Variants in TMEM60 observed in about 807,000 individuals in gnomAD.
TMEM60 encodes transmembrane protein 60.
Under a neutral mutation model 10.7 loss-of-function variants are expected in TMEM60, and 4 were observed. That is an observed-to-expected ratio of 0.37 (90% confidence interval 0.18 to 0.86). The LOEUF is 0.86. Ranked by LOEUF, TMEM60 falls within the 40% of genes least tolerant of loss-of-function variation. The pLI is 0.43. For synonymous variants in TMEM60, 56 were observed against 58.1 expected (o/e 0.96, Z 0.17); for missense variants, 128 against 153.4 (o/e 0.83, Z 0.88).
chr7:77,797,493 A>G (rs2150441756), intron 1 of TMEM60, among the ~76,000 whole-genome samples: 1 of 152,340 alleles, frequency 6.6e-6, no homozygotes, highest in Non-Finnish European at 1.5e-5. Context: ...ATGCTGAGCT[A>G]CAACGATGAC....
intron 1 of TMEM60, among the ~76,000 whole-genome samples, chr7:77,795,134 T>C (rs1181369809): frequency 1.3e-5 from 2 of 152,130 alleles, no homozygotes; most frequent in Non-Finnish European, 2.9e-5. Context: ...CACTCCAGCC[T>C]GGGCAAAAGA....
rs763428491 is a variant in TMEM60, at chr7:77,794,002, G to T, written c.372C>A (p.Leu124=). ...CTCTCACAAAAAAGACATTATATCC[G>T]AGTTCTGTTAAAGCCCCAGCCAGCA... ...WALLAGALTE[L]GYNVFFVRD Residue 124 remains leucine, a synonymous_variant, in exon 2 of 2, where the codon CTC becomes CTA. Transcript: ENST00000257663. The T allele has an allele frequency of 6.3e-7, 1 of 1,586,516 alleles. No individual in the cohort carries two copies. Among genetic ancestry groups the T allele is most frequent in the South Asian group, 1.2e-5 (1 of 85,736 alleles).
chr7:77,797,670 T>C (rs1365476085), intron 1 of TMEM60, among the ~76,000 whole-genome samples: 1 of 152,176 alleles, frequency 6.6e-6, no homozygotes, highest in Non-Finnish European at 1.5e-5. Flanking sequence ...CAGTTAAATA[T>C]TTGTTAATGA....
At chr7:77,797,433 G>C (rs1180022679) in intron 1 of TMEM60, among the ~76,000 whole-genome samples, 1 of 152,184 alleles carries the variant, frequency 6.6e-6, no homozygotes, top group Admixed American at 6.5e-5. Context: ...TACCCTCAAT[G>C]GGGAAGCACT....
chr7:77,793,977 C>T lies in TMEM60; in HGVS notation c.397G>A (p.Asp133Asn). ...GGAGATGATGTACTTAGAAGTCAGTCTCTCACAAAAAAGACATTATATCCG... is the reference window on the plus strand; with the variant it reads ...GGAGATGATGTACTTAGAAGTCAGTTTCTCACAAAAAAGACATTATATCCG... ...ELGYNVFFVRD is the reference protein window; with the variant it reads ...ELGYNVFFVRN The change falls in exon 2 of 2, where the codon GAC becomes AAC. Residue 133 changes from aspartate (D) to asparagine (N), a missense_variant. Asp to Asn is a conservative substitution (Grantham distance 23, BLOSUM62 1). Transcript: ENST00000257663. 6.4e-7 allele frequency: 1 copy of T among 1,561,602 alleles called. No homozygotes were observed. Among genetic ancestry groups the T allele is most frequent in the East Asian group, 2.3e-5 (1 of 44,412 alleles).
Position 77,794,402 on chromosome 7 carries a change from A to T in TMEM60, c.-29T>A. On this transcript the variant is annotated 5_prime_UTR_variant, in exon 2 of 2. Coordinates refer to ENST00000257663, the MANE Select transcript of TMEM60 (RefSeq NM_032936.4). ...AACAGTTTAAAGAGGCTGTTGCAGGATCGGAAAAAAGGAAATATACCCTAA... is the reference window on the plus strand; with the variant it reads ...AACAGTTTAAAGAGGCTGTTGCAGGTTCGGAAAAAAGGAAATATACCCTAA... 6.9e-7 allele frequency: 1 copy of T among 1,455,254 alleles called. No homozygotes were observed. The highest frequency in any genetic ancestry group is 9.1e-7 in the Non-Finnish European group (1 of 1,104,368). The allele number at this position is 1,455,254 out of a possible 1,614,324, so 90.1% of individuals were successfully genotyped here. A position where few individuals can be genotyped will look rare whatever the true frequency, so the allele number is the denominator to read the frequency against.
rs74934684 is a variant in TMEM60 at position 77,794,323 on chromosome 7, T to C, written c.51A>G (p.Leu17=). 548 of 1,606,632 alleles carry C rather than the reference T, an allele frequency of 3.4e-4. 5 individuals carry two copies. The East Asian group carries it at 0.011, about 32-fold the overall frequency. The change falls in exon 2 of 2, where the codon CTA becomes CTG. Residue 17 remains leucine (L), a synonymous_variant. Coordinates refer to ENST00000257663, the MANE Select transcript of TMEM60 (RefSeq NM_032936.4). ...TCAACACCAACATGATCAAGAAGAG[T>C]AGTGTGAAAAGCCAGGTGAGTAGTA... ...QRVLLTWLFT[L]LFLIMLVLKL... is the part of the protein sequence containing the mutation.
chr7:77,794,451 G>A, intron 1 of TMEM60, 28 bp from the exon 2 acceptor site: 1 of 1,372,100 alleles, frequency 7.3e-7, no homozygotes, highest in Non-Finnish European at 9.5e-7. Context: ...AGTCAAGATT[G>A]TTTTGATACC....
At chr7:77,797,998 T>C (rs1026891470) in intron 1 of TMEM60, among the ~76,000 whole-genome samples, 3 of 152,186 alleles carry the variant, frequency 2.0e-5, no homozygotes, top group Non-Finnish European at 2.9e-5. Context: ...AAACTATACT[T>C]GCCCTTCTGC....
In TMEM60 at chr7:77,798,425, T is replaced by G. The variant is rs960025322; in HGVS notation, c.-222A>C. 2.6e-5 allele frequency: 4 copies of G among 152,196 alleles called. No homozygotes were observed. Among genetic ancestry groups the G allele is most frequent in the African/African-American group, 9.7e-5 (4 of 41,442 alleles). 9.4% of individuals were successfully genotyped at this position (152,196 alleles called of 1,614,324 possible). A position where few individuals can be genotyped will look rare whatever the true frequency, so the allele number is the denominator to read the frequency against. On this transcript the variant is annotated 5_prime_UTR_variant, in exon 1 of 2. Coordinates refer to ENST00000257663, the MANE Select transcript of TMEM60 (RefSeq NM_032936.4). ...CCTCAAACGACTGCGGTAGAGGATCTCTCAGTTCTACCTCAGTGCCGCGCC... is the reference window on the plus strand; with the variant it reads ...CCTCAAACGACTGCGGTAGAGGATCGCTCAGTTCTACCTCAGTGCCGCGCC...
At chr7:77,795,650 C>T (rs985724259) in intron 1 of TMEM60, among the ~76,000 whole-genome samples, 10 of 152,116 alleles carry the variant, frequency 6.6e-5, no homozygotes, top group African/African-American at 2.4e-4. Flanking sequence ...AAATATCTTT[C>T]TTGGTATAAT....
At chr7:77,795,742 A>T in intron 1 of TMEM60, among the ~76,000 whole-genome samples, 1 of 152,206 alleles carries the variant, frequency 6.6e-6, no homozygotes, top group Admixed American at 6.5e-5. Flanking sequence ...TCCATTCAAT[A>T]ATCAGGACCA....
intron 1 of TMEM60, among the ~76,000 whole-genome samples, chr7:77,795,496 G>T (rs957848620): frequency 2.0e-5 from 3 of 147,228 alleles, no homozygotes; most frequent in African/African-American, 7.7e-5. Flanking sequence ...CCTGGGCGAT[G>T]GGAGTGAGAC....
At chr7:77,796,371 CAT>C (rs1792167421) in intron 1 of TMEM60, among the ~76,000 whole-genome samples, 1 of 152,168 alleles carries the variant, frequency 6.6e-6, no homozygotes, top group African/African-American at 2.4e-5. Flanking sequence ...TTAATCTTCA[CAT>C]ATAGGTTTAT....
rs1180325866 is a variant in TMEM60, at chr7:77,793,940, C to G, written c.*32G>C. ...AACACTTTAATGGTAACTTGTTGAACAGCAATAGAAAGGAGATGATGTACT... is the reference window on the plus strand; with the variant it reads ...AACACTTTAATGGTAACTTGTTGAAGAGCAATAGAAAGGAGATGATGTACT... On this transcript the variant is annotated 3_prime_UTR_variant, in exon 2 of 2. Transcript: ENST00000257663. The G allele has an allele frequency of 1.3e-6, 2 of 1,506,084 alleles. No homozygotes were observed. The highest frequency in any genetic ancestry group is 2.3e-5 in the East Asian group (1 of 43,460). 93.3% of individuals were successfully genotyped at this position (1,506,084 alleles called of 1,614,324 possible).
At position 77,794,237 on chromosome 7, in the gene TMEM60, T is replaced by G; in HGVS notation, c.137A>C (p.Asp46Ala). The change falls in exon 2 of 2, where the codon GAT (aspartate) becomes GCT (alanine). Residue 46 changes from aspartate to alanine, a missense_variant. By Grantham distance (126) the Asp-to-Ala change is moderately radical. Transcript: ENST00000257663. The stretch of plus-strand genomic sequence containing the variant: ...AATCAGCAGGACAAGAAGGATAGTA[T>G]CAAATATCCAGACTGGAATGAATAT... ...FLIFIPVWIF[D>A]TILLVLLIVK... is the part of the protein sequence containing the mutation. The G allele has an allele frequency of 6.2e-7, 1 of 1,614,024 alleles. No homozygotes were observed. The highest frequency in any genetic ancestry group is 8.5e-7 in the Non-Finnish European group (1 of 1,179,998).
At position 77,794,009 on chromosome 7, in the gene TMEM60, G is replaced by T; in HGVS notation, c.365C>A (p.Thr122Lys). 6.3e-7 allele frequency: 1 copy of T among 1,592,986 alleles called. No homozygotes were observed. Among genetic ancestry groups the T allele is most frequent in the Non-Finnish European group, 8.5e-7 (1 of 1,173,474 alleles). ...PLWALLAGAL[T>K]ELGYNVFFVR... ...AAAAAAGACATTATATCCGAGTTCTGTTAAAGCCCCAGCCAGCAAGGCCCA... is the reference window on the plus strand; with the variant it reads ...AAAAAAGACATTATATCCGAGTTCTTTTAAAGCCCCAGCCAGCAAGGCCCA... The change falls in exon 2 of 2, where the codon ACA becomes AAA. Residue 122 changes from threonine (T) to lysine (K), a missense_variant. By Grantham distance (78) the Thr-to-Lys change is moderately conservative. Coordinates refer to ENST00000257663, the MANE Select transcript of TMEM60 (RefSeq NM_032936.4).
intron 1 of TMEM60, among the ~76,000 whole-genome samples, chr7:77,797,187 C>A (rs570995728): frequency 1.3e-5 from 2 of 152,304 alleles, no homozygotes; most frequent in African/African-American, 4.8e-5. Flanking sequence ...CACCTCCAAT[C>A]TATCAGGCCG....
chr7:77,797,299 T>C (rs1255501584), intron 1 of TMEM60, among the ~76,000 whole-genome samples: 2 of 152,218 alleles, frequency 1.3e-5, no homozygotes, highest in East Asian at 3.9e-4. Flanking sequence ...TTTCTTACAT[T>C]TGGCTGTACT....
Sources: gnomAD v4.1 joint callset for allele counts (sites outside exome capture counted in the v4.1 genomes callset) on GRCh38, gnomAD v4.1.1 for gene constraint, MANE v1.5 for transcripts, NCBI Gene and HGNC (gene_info 2026-07-23, HGNC 2026-07-21) for gene names.